MCOLN3: variants seen among roughly 807,000 people sequenced by gnomAD.
The protein encoded by MCOLN3 is mucolipin TRP cation channel 3.
In MCOLN3, 62 loss-of-function variants were observed where a neutral mutation model predicts 69.4. That is an observed-to-expected ratio of 0.89 (90% CI 0.73 to 1.10). MCOLN3 has a LOEUF of 1.10. MCOLN3 is among the 50% of genes least tolerant of loss of function. MCOLN3 has a pLI of 0.00. For missense variants in MCOLN3, 564 were observed against 656.4 expected (o/e 0.86, Z 1.54); for synonymous variants, 183 against 217.0 (o/e 0.84, Z 1.38).
Position 85,019,079 on chromosome 1 carries a change from G to C in MCOLN3, c.*44C>G. The C allele has an allele frequency of 6.3e-7, 1 of 1,586,938 alleles. No homozygotes were observed. Among genetic ancestry groups the C allele is most frequent in the Non-Finnish European group, 8.6e-7 (1 of 1,160,190 alleles). On this transcript the variant is annotated 3_prime_UTR_variant, in exon 13 of 13. Coordinates refer to ENST00000370589, the MANE Select transcript of MCOLN3 (RefSeq NM_018298.11). ...AGAATATCCACAGTGTTCCAACTCA[G>C]CTACACATTATATTTTCCTCTAAAG...
chr1:85,047,597 T>C (rs1352048560), intron 1 of MCOLN3: 1 of 152,236 alleles, frequency 6.6e-6, no homozygotes, highest in Non-Finnish European at 1.5e-5. Context: ...GGCAGAGGCT[T>C]GATTGGAGTA....
At position 85,022,356 on chromosome 1, in the gene MCOLN3, A is replaced by G. The variant is rs753976838; in HGVS notation, c.1140T>C (p.Ser380=). 2 of 1,613,556 alleles carry G rather than the reference A, an allele frequency of 1.2e-6. No individual in the cohort carries two copies. Among genetic ancestry groups the G allele is most frequent in the South Asian group, 2.2e-5 (2 of 91,078 alleles). ...YDVCSILLGT[S]TMLVWLGVIR... ...TGACTCCAAGCCACACGAGCATGGT[A>G]GAAGTCCCAAGAAGTATGCTACAGA... The change falls in exon 10 of 13, where the codon TCT becomes TCC. Residue 380 remains serine (S), a synonymous_variant. Coordinates refer to ENST00000370589, the MANE Select transcript of MCOLN3 (RefSeq NM_018298.11).
At chr1:85,031,869 G>T (rs954264870) in intron 6 of MCOLN3, among the ~76,000 whole-genome samples, 1 of 151,904 alleles carries the variant, frequency 6.6e-6, no homozygotes, top group Non-Finnish European at 1.5e-5. Context: ...TCAGAAGATC[G>T]AGACCATCCT....
intron 12 of MCOLN3, 118 bp from the exon 13 acceptor site, chr1:85,019,375 A>G: frequency 1.1e-6 from 1 of 928,150 alleles, no homozygotes; most frequent in Non-Finnish European, 1.6e-6. Context: ...TAGTATCGTT[A>G]CTCCTGAGTA....
rs1034390322 is a variant in MCOLN3, at chr1:85,018,365, T to A, written c.*758A>T. ...CTTTTCTATGTTTAGATACTTACCATTGTGTTACAATTGCCTACTGTATTC... is the reference window on the plus strand; with the variant it reads ...CTTTTCTATGTTTAGATACTTACCAATGTGTTACAATTGCCTACTGTATTC... On this transcript the variant is annotated 3_prime_UTR_variant, in exon 13 of 13. Transcript: ENST00000370589. The A allele has an allele frequency of 5.3e-5, 8 of 152,192 alleles. No individual in the cohort carries two copies. In the East Asian group the frequency reaches 1.5e-3, roughly 29 times the overall value. The allele number at this position is 152,192 out of a possible 1,614,324, so 9.4% of individuals were successfully genotyped here.
Position 85,019,110 on chromosome 1 carries a change from A to G in MCOLN3, c.*13T>C. ...CATTATATTTTCCTCTAAAGTACAG[A>G]TAAACCTGATAGCTACTTTTTACAA... is the stretch of plus-strand genomic sequence containing the variant. On this transcript the variant is annotated 3_prime_UTR_variant, in exon 13 of 13. Transcript: ENST00000370589. 6.2e-7 allele frequency: 1 copy of G among 1,612,000 alleles called. No homozygotes were observed. Among genetic ancestry groups the G allele is most frequent in the Non-Finnish European group, 8.5e-7 (1 of 1,178,820 alleles).
At position 85,019,148 on chromosome 1, in the gene MCOLN3, G is replaced by T. The variant is rs1211637461; in HGVS notation, c.1637C>A (p.Ser546Tyr). 2 of 1,613,542 alleles carry T rather than the reference G, an allele frequency of 1.2e-6. No homozygotes were observed. Among genetic ancestry groups the T allele is most frequent in the East Asian group, 4.5e-5 (2 of 44,838 alleles). Residue 546 changes from serine to tyrosine, a missense_variant, in exon 13 of 13, where the codon TCT (serine) becomes TAT (tyrosine). Ser to Tyr is a moderately radical substitution (Grantham distance 144). Transcript: ENST00000370589. The stretch of plus-strand genomic sequence containing the variant: ...CTACTTTTTACAACAGCAGAATAAA[G>T]ATACTGGAGGGTCATCTTCTAATCT... ...KYRLEDDPPV[S>Y]LFCCCKK
intron 6 of MCOLN3, chr1:85,029,810 G>A (rs1361490732): frequency 6.6e-6 from 1 of 152,182 alleles, no homozygotes; most frequent in East Asian, 1.9e-4. Flanking sequence ...GACAAAGCTA[G>A]GCCAGAACAC....
At chr1:85,039,753 C>G (rs1571119880) in intron 3 of MCOLN3, among the ~76,000 whole-genome samples, 1 of 152,030 alleles carries the variant, frequency 6.6e-6, no homozygotes, top group Non-Finnish European at 1.5e-5. Flanking sequence ...TTTGAGCAAC[C>G]TGGGCAACAT....
intron 12 of MCOLN3, 50 bp from the exon 13 acceptor site, chr1:85,019,307 A>G (rs1402608968): frequency 6.4e-7 from 1 of 1,563,382 alleles, no homozygotes; most frequent in Admixed American, 1.8e-5. Flanking sequence ...CCTTGAAAAC[A>G]GCTTCATTCC....
intron 1 of MCOLN3, among the ~76,000 whole-genome samples, chr1:85,047,992 A>C (rs918672515): frequency 1.3e-5 from 2 of 152,204 alleles, no homozygotes; most frequent in African/African-American, 4.8e-5. Flanking sequence ...GAAAGGGGCC[A>C]GCCGAGCCGC....
intron 3 of MCOLN3, among the ~76,000 whole-genome samples, chr1:85,037,613 C>T (rs1239173879): frequency 6.6e-6 from 1 of 152,256 alleles, no homozygotes; most frequent in African/African-American, 2.4e-5. Flanking sequence ...TATAGCCAGA[C>T]TTCCTTGAGC....
In MCOLN3 at chr1:85,046,154, G is replaced by A. The variant is rs555552289; in HGVS notation, c.-2-792C>T. Among the ~76,000 whole-genome samples, 59 of 152,314 alleles carry A rather than the reference G, an allele frequency of 3.9e-4. No individual in the cohort carries two copies. In the East Asian group the frequency reaches 7.9e-3, roughly 20 times the overall value. On this transcript the variant is annotated intron_variant, in intron 1 of 12. Transcript: ENST00000370589. Reference sequence around the variant, plus strand: ...AGAAAGCCAGTAAGGTTCTTAAGGGGCAGTATGAGCCTCAGGAAACATAAC... The same window carrying A: ...AGAAAGCCAGTAAGGTTCTTAAGGGACAGTATGAGCCTCAGGAAACATAAC...
chr1:85,034,696 A>T (rs1469021825), intron 3 of MCOLN3, among the ~76,000 whole-genome samples: 1 of 152,242 alleles, frequency 6.6e-6, no homozygotes, highest in Non-Finnish European at 1.5e-5. Flanking sequence ...TTTTAAAGAA[A>T]GTATTGGTTT....
At position 85,022,281 on chromosome 1, in the gene MCOLN3, A is replaced by G. The variant is rs1350603018; in HGVS notation, c.1197+18T>C. On this transcript the variant is annotated intron_variant, in intron 10 of 12. Coordinates refer to ENST00000370589, the MANE Select transcript of MCOLN3 (RefSeq NM_018298.11). ...TGAGAGAAATACCAACAGCATGGAGATCCGTGGAATTCCTTACGTTGTACT... is the reference window on the plus strand; with the variant it reads ...TGAGAGAAATACCAACAGCATGGAGGTCCGTGGAATTCCTTACGTTGTACT... 6.2e-7 allele frequency: 1 copy of G among 1,613,610 alleles called. No individual in the cohort carries two copies. The highest frequency in any genetic ancestry group is 8.5e-7 in the Non-Finnish European group (1 of 1,179,546).
chr1:85,036,262 G>A (rs1341789830), intron 3 of MCOLN3, among the ~76,000 whole-genome samples: 1 of 152,128 alleles, frequency 6.6e-6, no homozygotes, highest in Non-Finnish European at 1.5e-5. Context: ...CATGATCTCG[G>A]CTCACTGCAA....
intron 6 of MCOLN3, among the ~76,000 whole-genome samples, 195 bp downstream of exon 6, chr1:85,032,501 G>A (rs1254434220): frequency 2.0e-5 from 3 of 152,212 alleles, no homozygotes; most frequent in African/African-American, 7.2e-5. Flanking sequence ...ATACAGAGGT[G>A]TAGAAGACAT....
chr1:85,028,008 T>C (rs1652308829), intron 7 of MCOLN3, among the ~76,000 whole-genome samples: 1 of 152,214 alleles, frequency 6.6e-6, no homozygotes, highest in African/African-American at 2.4e-5. Context: ...AATGTCTAAA[T>C]TGACTTTAGA....
chr1:85,038,246 T>C (rs1477153953), intron 3 of MCOLN3, among the ~76,000 whole-genome samples: 1 of 151,898 alleles, frequency 6.6e-6, no homozygotes, highest in East Asian at 1.9e-4. Flanking sequence ...TGCTTAGGAG[T>C]CCCTTCATCA....
Sources: allele counts gnomAD v4.1 joint callset (sites outside exome capture counted in the v4.1 genomes callset), GRCh38; gene constraint gnomAD v4.1.1; transcripts MANE v1.5; gene names NCBI Gene and HGNC (gene_info 2026-07-23, HGNC 2026-07-21).